NTRK3: variants seen among roughly 807,000 people sequenced by gnomAD.
The protein encoded by NTRK3 is neurotrophic receptor tyrosine kinase 3, also known as NT-3 growth factor receptor.
In NTRK3, 24 loss-of-function variants were observed where a neutral mutation model predicts 91.7. The ratio of observed to expected loss-of-function variants is 0.26; its 90% CI spans 0.19 to 0.37. The LOEUF is 0.37. NTRK3 is among the 10% of genes least tolerant of loss of function. The pLI is 1.00. For missense variants in NTRK3, 880 were observed against 1,068.9 expected, an observed-to-expected ratio of 0.82 and a Z score of 2.46; for synonymous variants, 483 against 404.0, an observed-to-expected ratio of 1.20 and a Z score of -2.34.
rs950545253 is a variant in NTRK3, at chr15:88,144,402, T to C, written c.464+2933A>G. ...TCCCACAAAAATAAATGAGAGAAAG[T>C]AGAGGAAGGGTCTTGGTGCACTGCA... On this transcript the variant is annotated intron_variant, in intron 6 of 18. Transcript: ENST00000394480. Among the ~76,000 whole-genome samples the C allele has an allele frequency of 2.6e-5, 4 of 151,964 alleles. No individual in the cohort carries two copies. The South Asian group carries it at 6.2e-4, about 24-fold the overall frequency.
chr15:87,892,174 A>G (rs1267628013), intron 17 of NTRK3, among the ~76,000 whole-genome samples: 1 of 152,082 alleles, frequency 6.6e-6, no homozygotes, highest in African/African-American at 2.4e-5. Context: ...AAATCTCAGG[A>G]GTGAAACCCT....
At chr15:88,181,761 T>A (rs189615532) in intron 5 of NTRK3, among the ~76,000 whole-genome samples, 2 of 152,310 alleles carry the variant, frequency 1.3e-5, no homozygotes, top group African/African-American at 4.8e-5. Context: ...TGGAAACAAG[T>A]CTGACCACAC....
intron 3 of NTRK3, among the ~76,000 whole-genome samples, chr15:88,236,884 G>A (rs980185563): frequency 5.3e-5 from 8 of 152,264 alleles, no homozygotes; most frequent in African/African-American, 1.9e-4. Flanking sequence ...TGCTGACTGG[G>A]AAGAATGTGG....
chr15:88,207,360 C>T (rs1380634973), intron 3 of NTRK3, among the ~76,000 whole-genome samples: 1 of 152,182 alleles, frequency 6.6e-6, no homozygotes, highest in Non-Finnish European at 1.5e-5. Flanking sequence ...ACTCTTTCCC[C>T]CCAACACCTT....
intron 14 of NTRK3, among the ~76,000 whole-genome samples, chr15:88,015,498 C>T (rs2077172371): frequency 6.6e-6 from 1 of 152,118 alleles, no homozygotes; most frequent in African/African-American, 2.4e-5. Context: ...CGTCCTAGCT[C>T]AAACACTCTC....
Position 87,873,002 on chromosome 15 carries a change from C to T in NTRK3, c.*3933G>A, listed in dbSNP as rs138768469. 1.8e-3 allele frequency: 423 copies of T among 233,164 alleles called. 2 individuals are homozygous for T. The highest frequency in any genetic ancestry group is 8.6e-3 in the African/African-American group (393 of 45,464). 14.4% of individuals were successfully genotyped at this position (233,164 alleles called of 1,614,324 possible). A position where few individuals can be genotyped will look rare whatever the true frequency, so the allele number is the denominator to read the frequency against. On this transcript the variant is annotated 3_prime_UTR_variant, in exon 19 of 19. Coordinates refer to ENST00000394480, the Ensembl canonical transcript of NTRK3. Reference sequence around the variant, plus strand: ...TTCACCCTGCCACTTTTCTACTTAACTTCCAATGCACCCTGTACTCTCCCG... The same window carrying T: ...TTCACCCTGCCACTTTTCTACTTAATTTCCAATGCACCCTGTACTCTCCCG...
At chr15:87,910,900 G>A (rs943598878) in intron 17 of NTRK3, among the ~76,000 whole-genome samples, 9 of 152,188 alleles carry the variant, frequency 5.9e-5, no homozygotes, top group East Asian at 1.9e-4. Context: ...AAATTTGGTC[G>A]TGAGAGATAA....
At chr15:88,016,050 A>G (rs1007441905) in intron 14 of NTRK3, among the ~76,000 whole-genome samples, 3 of 151,992 alleles carry the variant, frequency 2.0e-5, no homozygotes, top group African/African-American at 2.4e-5. Context: ...GTTGATGTGT[A>G]CATGTCTGCG....
intron 18 of NTRK3, among the ~76,000 whole-genome samples, chr15:87,878,999 C>T (rs1171932414): frequency 6.6e-6 from 1 of 151,650 alleles, no homozygotes; most frequent in African/African-American, 2.4e-5. Context: ...ATTTCTTAAA[C>T]ACCATAACAA....
At chr15:88,119,461 G>A (rs1297130444) in intron 13 of NTRK3, among the ~76,000 whole-genome samples, 1 of 152,188 alleles carries the variant, frequency 6.6e-6, no homozygotes, top group East Asian at 1.9e-4. Context: ...CGGGGTGGTT[G>A]GAAGGTCTGT....
intron 3 of NTRK3, among the ~76,000 whole-genome samples, chr15:88,187,949 A>T (rs2047076995): frequency 6.6e-6 from 1 of 151,726 alleles, no homozygotes; most frequent in Non-Finnish European, 1.5e-5. Context: ...AAAAAAAAAG[A>T]AAAAATCAAT....
chr15:87,928,342 T>A (rs1324148428), intron 17 of NTRK3: 2 of 152,148 alleles, frequency 1.3e-5, no homozygotes, highest in Non-Finnish European at 1.5e-5. Flanking sequence ...TCTCTGTGTC[T>A]CAGGTTGCAC....
chr15:88,105,073 T>G (rs1005855289), intron 13 of NTRK3, among the ~76,000 whole-genome samples: 4 of 152,196 alleles, frequency 2.6e-5, no homozygotes, highest in Non-Finnish European at 4.4e-5. Context: ...CTCTGATTAC[T>G]GAGACTTCAT....
At chr15:88,056,195 TATATA>T (rs1331746129) in intron 13 of NTRK3, among the ~76,000 whole-genome samples, 7 of 98,590 alleles carry the variant, frequency 7.1e-5, no homozygotes, top group African/African-American at 2.7e-4. Context: ...TATATATATA[TATATA>T]TATTTTTTTT....
intron 13 of NTRK3, among the ~76,000 whole-genome samples, chr15:88,070,896 C>G (rs1199068452): frequency 5.3e-5 from 8 of 151,952 alleles, no homozygotes. Context: ...AAAAGGAAGG[C>G]AAGATAAAAA....
intron 3 of NTRK3, among the ~76,000 whole-genome samples, chr15:88,213,949 C>T (rs1167804353): frequency 1.3e-5 from 2 of 152,060 alleles, no homozygotes; most frequent in African/African-American, 4.8e-5. Flanking sequence ...CGTGGTGGCA[C>T]ATGTCTGTAG....
At chr15:88,132,353 T>C (rs779733683) in intron 10 of NTRK3, among the ~76,000 whole-genome samples, 1 of 152,212 alleles carries the variant, frequency 6.6e-6, no homozygotes, top group Non-Finnish European at 1.5e-5. Context: ...TTAAGTCTCA[T>C]GGTAGCTTAG....
At chr15:87,924,598 C>G (rs1184328533) in intron 17 of NTRK3, among the ~76,000 whole-genome samples, 1 of 152,190 alleles carries the variant, frequency 6.6e-6, no homozygotes, top group East Asian at 1.9e-4. Flanking sequence ...AACATTCTCC[C>G]AGGATAATGC....
intron 17 of NTRK3, 28 bp from the exon 18 acceptor site, chr15:87,885,763 A>G: frequency 9.4e-7 from 1 of 1,061,350 alleles, no homozygotes; most frequent in East Asian, 3.0e-5. Flanking sequence ...AACAATAATA[A>G]TATTAGAAGA....
Sources: gnomAD v4.1 joint callset for allele counts (sites outside exome capture counted in the v4.1 genomes callset) on GRCh38, gnomAD v4.1.1 for gene constraint, MANE v1.5 for transcripts, NCBI Gene and HGNC (gene_info 2026-07-23, HGNC 2026-07-21) for gene names.